PPP1R12B: variants seen among roughly 807,000 people sequenced by gnomAD.
PPP1R12B encodes the protein myosin phosphatase target subunit 2.
A neutral mutation model predicts 126.1 loss-of-function variants in PPP1R12B; 76 were observed. The observed-to-expected ratio is 0.60, with a 90% CI of 0.50 to 0.73. PPP1R12B has a LOEUF of 0.73. PPP1R12B is among the 30% of genes least tolerant of loss of function. The probability of loss-of-function intolerance (pLI) is 0.00; values close to 1 mark genes in which losing one functional copy is unlikely to be tolerated. For missense variants in PPP1R12B, 1,052 were observed against 1,205.1 expected, an observed-to-expected ratio of 0.87 and a Z score of 1.88; for synonymous variants, 356 against 434.7, an observed-to-expected ratio of 0.82 and a Z score of 2.25.
At position 202,439,454 on chromosome 1, in the gene PPP1R12B, C is replaced by T. The variant is rs577187392; in HGVS notation, c.1459-1252C>T. 149 of 1,407,420 alleles carry T rather than the reference C, an allele frequency of 1.1e-4. No homozygotes were observed. In the African/African-American group the frequency reaches 1.5e-3, roughly 14 times the overall value. The allele number at this position is 1,407,420 out of a possible 1,614,324, so 87.2% of individuals were successfully genotyped here. A position where few individuals can be genotyped will look rare whatever the true frequency, so the allele number is the denominator to read the frequency against. The stretch of plus-strand genomic sequence containing the variant: ...TGCTGGGCGACCCCAGCTGGCTGCC[C>T]GCCAAGTGCCCCGGCAAGGGTGCCT... On this transcript the variant is annotated intron_variant, in intron 10 of 23. Coordinates refer to ENST00000608999, the MANE Select transcript of PPP1R12B (RefSeq NM_002481.4).
At chr1:202,580,389 T>C in intron 23 of PPP1R12B, 85 bp from the exon 24 acceptor site, 1 of 1,000,224 alleles carries the variant, frequency 1.0e-6, no homozygotes, top group Non-Finnish European at 1.6e-6. Context: ...AAGGCCCTGC[T>C]CACCAGGCTG....
In PPP1R12B at chr1:202,391,570, T is replaced by C. The variant is rs112437274; in HGVS notation, c.292-25217T>C. ...ATACCAGCAATTCTACTCAGGTGTA[T>C]TGAAGATAAATGAATTATCTTCAGG... On this transcript the variant is annotated intron_variant, in intron 1 of 23. Transcript: ENST00000608999. Among the ~76,000 whole-genome samples the C allele has an allele frequency of 4.5e-3, 675 of 149,542 alleles. 10 individuals are homozygous for C. Among genetic ancestry groups the C allele is most frequent in the African/African-American group, 0.013 (508 of 39,936 alleles).
chr1:202,389,244 C>CA (rs1408388167), intron 1 of PPP1R12B, among the ~76,000 whole-genome samples: 7 of 151,992 alleles, frequency 4.6e-5, no homozygotes, highest in Non-Finnish European at 7.4e-5. Context: ...TTTTCTATGA[C>CA]AAAAAACATC....
At chr1:202,539,398 A>G (rs1684878926) in intron 18 of PPP1R12B, among the ~76,000 whole-genome samples, 1 of 152,098 alleles carries the variant, frequency 6.6e-6, no homozygotes, top group Non-Finnish European at 1.5e-5. Flanking sequence ...GCGAATAGGG[A>G]TTTGGAATGT....
intron 1 of PPP1R12B, among the ~76,000 whole-genome samples, chr1:202,398,315 A>T (rs939578840): frequency 2.0e-5 from 3 of 152,226 alleles, no homozygotes; most frequent in Admixed American, 6.5e-5. Flanking sequence ...CACAGCAAAC[A>T]GCTGGGATTT....
intron 13 of PPP1R12B, among the ~76,000 whole-genome samples, chr1:202,481,368 A>G (rs1322707623): frequency 6.6e-6 from 1 of 152,204 alleles, no homozygotes; most frequent in Non-Finnish European, 1.5e-5. Flanking sequence ...CCAACTATGT[A>G]TTTGTGCAAG....
At chr1:202,483,085 T>A (rs1677612990) in intron 13 of PPP1R12B, among the ~76,000 whole-genome samples, 1 of 152,202 alleles carries the variant, frequency 6.6e-6, no homozygotes, top group African/African-American at 2.4e-5. Flanking sequence ...GGCTTTCTAT[T>A]CTGTTCCATT....
intron 18 of PPP1R12B, among the ~76,000 whole-genome samples, chr1:202,509,030 CTT>C (rs1324334321): frequency 6.6e-6 from 1 of 152,254 alleles, no homozygotes; most frequent in Admixed American, 6.5e-5. Flanking sequence ...TCCAATAAAA[CTT>C]TATTTACAAA....
At chr1:202,427,402 A>G (rs1030247010) in intron 5 of PPP1R12B, among the ~76,000 whole-genome samples, 9 of 152,146 alleles carry the variant, frequency 5.9e-5, no homozygotes, top group Non-Finnish European at 1.2e-4. Context: ...GATTGTATTT[A>G]TGTTCAAGCC....
rs558463517 is a variant in PPP1R12B, at chr1:202,471,830, A to G, written c.1851-16703A>G. 28 of 1,337,608 alleles carry G rather than the reference A, an allele frequency of 2.1e-5. No individual in the cohort carries two copies. The African/African-American group carries it at 3.0e-4, about 14-fold the overall frequency. 82.9% of individuals were successfully genotyped at this position (1,337,608 alleles called of 1,614,324 possible). ...TTTTATCCAAAATGTGTTTATTGAG[A>G]TGGTTTCCCACTCATCTTGACTCAG... On this transcript the variant is annotated intron_variant, in intron 13 of 23. Coordinates refer to ENST00000608999, the MANE Select transcript of PPP1R12B (RefSeq NM_002481.4).
At position 202,419,272 on chromosome 1, in the gene PPP1R12B, G is replaced by T. The variant is rs1445839698; in HGVS notation, c.422+2355G>T. Among the ~76,000 whole-genome samples, 1 of 152,024 alleles carries T rather than the reference G, an allele frequency of 6.6e-6. No individual in the cohort carries two copies. The highest frequency in any genetic ancestry group is 1.5e-5 in the Non-Finnish European group (1 of 68,010). On this transcript the variant is annotated intron_variant, in intron 2 of 23. Transcript: ENST00000608999. This position sits in a 1 kb window ranked among gnomAD's most constrained non-coding sequence, Gnocchi z 4.6. ...AGTTGCTAATTTATTCTCAGTTTTT[G>T]AACGTATTTCATTTTCTTTCTTCCT...
Position 202,441,458 on chromosome 1 carries a change from G to A in PPP1R12B, c.1541+670G>A, listed in dbSNP as rs374831868. On this transcript the variant is annotated intron_variant, in intron 11 of 23. Transcript: ENST00000608999. ...ATTGTAGGTGTGAGCCACTGCTCCT[G>A]GCCTGGGTGCATGTTAGGACTCCAG... is the stretch of plus-strand genomic sequence containing the variant. Among the ~76,000 whole-genome samples, 6 of 152,058 alleles carry A rather than the reference G, an allele frequency of 3.9e-5. No individual in the cohort carries two copies. The East Asian group carries it at 9.7e-4, about 25-fold the overall frequency.
At chr1:202,379,279 T>C (rs1053272468) in intron 1 of PPP1R12B, among the ~76,000 whole-genome samples, 2 of 152,250 alleles carry the variant, frequency 1.3e-5, no homozygotes, top group African/African-American at 4.8e-5. Flanking sequence ...ATTTAAGTCA[T>C]TGATTCCCAA....
intron 1 of PPP1R12B, among the ~76,000 whole-genome samples, chr1:202,352,181 G>T (rs565993776): frequency 2.7e-4 from 41 of 152,282 alleles, no homozygotes; most frequent in Non-Finnish European, 4.3e-4. Context: ...AGGAATTTCT[G>T]TTTCATTTGC....
intron 1 of PPP1R12B, among the ~76,000 whole-genome samples, chr1:202,377,790 A>G (rs1661437326): frequency 1.3e-5 from 2 of 149,526 alleles, no homozygotes; most frequent in South Asian, 4.2e-4. Flanking sequence ...GTTGAGACTT[A>G]CTGATTATGG....
intron 2 of PPP1R12B, among the ~76,000 whole-genome samples, chr1:202,421,376 C>CCTGTAATCCCAG (rs1300819457): frequency 1.3e-5 from 2 of 151,148 alleles, no homozygotes; most frequent in Admixed American, 6.6e-5. Context: ...GTAGCTCACA[C>CCTGTAATCCCAG]CTGTAATCCC....
intron 1 of PPP1R12B, among the ~76,000 whole-genome samples, chr1:202,371,892 A>ATCGCT (rs1223927228): frequency 8.8e-6 from 1 of 113,478 alleles, no homozygotes; most frequent in Non-Finnish European, 1.6e-5. Context: ...GAGACGGAGT[A>ATCGCT]TCGCTCTGTT....
At chr1:202,474,879 C>T (rs1197713359) in intron 13 of PPP1R12B, among the ~76,000 whole-genome samples, 1 of 152,058 alleles carries the variant, frequency 6.6e-6, no homozygotes, top group African/African-American at 2.4e-5. Flanking sequence ...TTCTGTTGGT[C>T]AGTACTAAAG....
chr1:202,511,044 CATA>C (rs1484406183), intron 18 of PPP1R12B, among the ~76,000 whole-genome samples: 16 of 145,564 alleles, frequency 1.1e-4, no homozygotes, highest in Non-Finnish European at 6.0e-5. Flanking sequence ...ACAATTATAT[CATA>C]ATATAATAAT....
Sources: gnomAD v4.1 joint callset for allele counts (sites outside exome capture counted in the v4.1 genomes callset) on GRCh38, gnomAD v4.1.1 for gene constraint, Gnocchi (gnomAD v3.1) non-coding constraint, MANE v1.5 for transcripts, NCBI Gene and HGNC (gene_info 2026-07-23, HGNC 2026-07-21) for gene names.